ARHGEF11: variants seen among roughly 807,000 people sequenced by gnomAD.
ARHGEF11 encodes the protein Rho guanine nucleotide exchange factor 11.
ARHGEF11 carries 55 observed loss-of-function variants against 193.7 expected under a neutral mutation model. The observed-to-expected ratio is 0.28, with a 90% CI of 0.23 to 0.36. The LOEUF (loss-of-function observed/expected upper bound fraction) is 0.36, where lower values mean the gene tolerates loss of function less well. Among genes scored for constraint, ARHGEF11 ranks in the 10% least tolerant of loss-of-function variants. ARHGEF11 has a pLI of 1.00. For synonymous variants in ARHGEF11, 693 were observed against 768.0 expected (o/e 0.90, Z 1.62); for missense variants, 1,723 against 2,005.6 (o/e 0.86, Z 2.69).
At chr1:156,963,920 C>T (rs1449175979) in intron 11 of ARHGEF11, 10 of 245,916 alleles carry the variant, frequency 4.1e-5, no homozygotes, top group Non-Finnish European at 6.5e-5. Context: ...TAAGAGCCAA[C>T]AGCTCCTGCT....
chr1:156,950,752 A>G (rs1273171434), intron 22 of ARHGEF11, among the ~76,000 whole-genome samples: 1 of 152,224 alleles, frequency 6.6e-6, no homozygotes, highest in Non-Finnish European at 1.5e-5. Flanking sequence ...CCTATACTCC[A>G]GCTCAGTGGC....
chr1:156,955,377 G>C (rs538080896), intron 20 of ARHGEF11, among the ~76,000 whole-genome samples: 1 of 152,290 alleles, frequency 6.6e-6, no homozygotes, highest in South Asian at 2.1e-4. Flanking sequence ...TAGACCCTTG[G>C]ATGAAGGTGA....
Position 156,945,047 on chromosome 1 carries a change from G to A in ARHGEF11, c.2963C>T (p.Ala988Val). The A allele has an allele frequency of 1.2e-6, 2 of 1,614,050 alleles. No homozygotes were observed. The highest frequency in any genetic ancestry group is 1.7e-6 in the Non-Finnish European group (2 of 1,180,010). ...KRLDATALER[A>V]SNPLAAEFKS... ...GAACTCTGCTGCCAGGGGGTTGCTG[G>A]CCCTCTCCAGGGCGGTGGCATCCAG... The change falls in exon 30 of 41, where the codon GCC becomes GTC. Residue 988 changes from alanine to valine, a missense_variant. Physicochemically the swap from Ala to Val is moderately conservative, Grantham distance 64. Coordinates refer to ENST00000368194, the MANE Select transcript of ARHGEF11 (RefSeq NM_198236.3).
At chr1:157,038,823 G>A (rs907587593) in intron 1 of ARHGEF11, among the ~76,000 whole-genome samples, 3 of 152,112 alleles carry the variant, frequency 2.0e-5, no homozygotes, top group African/African-American at 7.2e-5. Context: ...GAGTTCAGGA[G>A]TTTGAGACCA....
At chr1:156,983,867 T>C (rs1664552388) in intron 3 of ARHGEF11, among the ~76,000 whole-genome samples, 3 of 152,322 alleles carry the variant, frequency 2.0e-5, no homozygotes, top group East Asian at 3.9e-4. Context: ...CATTCATCTG[T>C]TGGTAATTTA....
At chr1:157,044,195 G>T in intron 1 of ARHGEF11, 104 bp downstream of exon 1, 3 of 1,086,482 alleles carry the variant, frequency 2.8e-6, no homozygotes, top group Non-Finnish European at 4.3e-6. Flanking sequence ...AATTCCCATA[G>T]CCCACCCAGA....
intron 7 of ARHGEF11, among the ~76,000 whole-genome samples, chr1:156,973,683 A>G (rs1662846555): frequency 6.6e-6 from 1 of 151,772 alleles, no homozygotes; most frequent in African/African-American, 2.4e-5. Context: ...CCTCTCCTCT[A>G]TCTCACTCTG....
chr1:156,982,349 G>A (rs1201567215), intron 3 of ARHGEF11, among the ~76,000 whole-genome samples: 2 of 152,040 alleles, frequency 1.3e-5, no homozygotes, highest in East Asian at 1.9e-4. Context: ...TCAGCCCCAA[G>A]AAAAAGGATT....
intron 18 of ARHGEF11, among the ~76,000 whole-genome samples, chr1:156,956,874 C>A (rs1002996157): frequency 2.6e-5 from 4 of 152,128 alleles, no homozygotes; most frequent in Non-Finnish European, 4.4e-5. Flanking sequence ...CATGCCAATT[C>A]CCTAAAATGT....
chr1:156,938,358 C>T, intron 38 of ARHGEF11, 60 bp downstream of exon 38: 1 of 1,523,312 alleles, frequency 6.6e-7, no homozygotes, highest in Non-Finnish European at 9.0e-7. Context: ...CCGACTCTGC[C>T]CTCACAGGTT....
chr1:156,984,244 T>C (rs1571357617), intron 3 of ARHGEF11, 95 bp downstream of exon 3: 4 of 994,924 alleles, frequency 4.0e-6, no homozygotes, highest in East Asian at 5.5e-5. Flanking sequence ...AATTCATTCA[T>C]GCCCCACAGG....
chr1:156,980,489 G>A lies in ARHGEF11; in HGVS notation c.224-3C>T, dbSNP rs1324569554. 6.3e-7 allele frequency: 1 copy of A among 1,592,144 alleles called. No homozygotes were observed. The highest frequency in any genetic ancestry group is 2.3e-5 in the East Asian group (1 of 44,240). Reference sequence around the variant, plus strand: ...ACCGGCCTTCATGGCTGCACCTCCTGTAAGGAGAAGGCCTGGTCAGCAGTG... The same window carrying A: ...ACCGGCCTTCATGGCTGCACCTCCTATAAGGAGAAGGCCTGGTCAGCAGTG... On this transcript the variant is annotated splice_polypyrimidine_tract_variant and splice_region_variant and intron_variant, in intron 3 of 40. Coordinates refer to ENST00000368194, the MANE Select transcript of ARHGEF11 (RefSeq NM_198236.3).
At position 156,947,464 on chromosome 1, in the gene ARHGEF11, G is replaced by T. The variant is rs1434351026; in HGVS notation, c.2342-14C>A. 6.3e-7 allele frequency: 1 copy of T among 1,580,674 alleles called. No individual in the cohort carries two copies. Among genetic ancestry groups the T allele is most frequent in the African/African-American group, 1.4e-5 (1 of 73,636 alleles). ...TCACAAACAGCTCTGAGCGGTGGTT[G>T]TGACAAGGAGGGTAGAAAGCCAGGG... On this transcript the variant is annotated splice_polypyrimidine_tract_variant and intron_variant, in intron 25 of 40. Transcript: ENST00000368194.
At position 157,015,645 on chromosome 1, in the gene ARHGEF11, A is replaced by C. The variant is rs548886869; in HGVS notation, c.32+28654T>G. ...TGCCATAATTACACTCTAGGTCCTCAGTAATGCGCAGTGTGTGTCTGCTAA... is the reference window on the plus strand; with the variant it reads ...TGCCATAATTACACTCTAGGTCCTCCGTAATGCGCAGTGTGTGTCTGCTAA... On this transcript the variant is annotated intron_variant, in intron 1 of 40. Transcript: ENST00000368194. Among the ~76,000 whole-genome samples, 6 of 152,336 alleles carry C rather than the reference A, an allele frequency of 3.9e-5. No individual in the cohort carries two copies. The South Asian group carries it at 1.2e-3, about 32-fold the overall frequency.
intron 1 of ARHGEF11, among the ~76,000 whole-genome samples, chr1:157,007,088 C>A (rs1667916847): frequency 6.6e-6 from 1 of 152,156 alleles, no homozygotes; most frequent in African/African-American, 2.4e-5. Flanking sequence ...TGTGTCACAC[C>A]TGTTCTCCAC....
intron 1 of ARHGEF11, among the ~76,000 whole-genome samples, chr1:157,006,139 T>C (rs1216239894): frequency 2.7e-5 from 4 of 149,918 alleles, no homozygotes; most frequent in Non-Finnish European, 3.0e-5. Flanking sequence ...ACAAATCTAT[T>C]TTTTTTTTTG....
At chr1:156,971,424 A>G (rs946443460) in intron 8 of ARHGEF11, among the ~76,000 whole-genome samples, 5 of 152,238 alleles carry the variant, frequency 3.3e-5, no homozygotes, top group Admixed American at 2.0e-4. Flanking sequence ...ACTAACACTG[A>G]CAATCTGTTT....
At chr1:156,978,082 A>T in intron 6 of ARHGEF11, 122 bp downstream of exon 6, 6 of 1,418,582 alleles carry the variant, frequency 4.2e-6, no homozygotes, top group Non-Finnish European at 5.7e-6. Context: ...ATGGTCTTTC[A>T]TATGTCTTTT....
chr1:156,991,610 G>A (rs182206315), intron 1 of ARHGEF11, among the ~76,000 whole-genome samples: 23 of 151,658 alleles, frequency 1.5e-4, no homozygotes. Flanking sequence ...GTGAGCCACT[G>A]TCCTTGGTCT....
Sources: gnomAD v4.1 joint callset for allele counts (sites outside exome capture counted in the v4.1 genomes callset) on GRCh38, gnomAD v4.1.1 for gene constraint, MANE v1.5 for transcripts, NCBI Gene and HGNC (gene_info 2026-07-23, HGNC 2026-07-21) for gene names.